CD96: variants seen among roughly 807,000 people sequenced by gnomAD.
CD96 encodes the protein CD96 molecule.
Under a neutral mutation model 71.3 loss-of-function variants are expected in CD96, and 70 were observed. The observed-to-expected ratio is 0.98, with a 90% confidence interval of 0.81 to 1.20. The LOEUF is 1.20. Among genes scored for constraint, CD96 ranks in the 50% most tolerant of loss-of-function variants. CD96 has a pLI of 0.00. For synonymous variants in CD96, 248 were observed against 233.0 expected, an observed-to-expected ratio of 1.06 and a Z score of -0.59; for missense variants, 742 against 677.5, an observed-to-expected ratio of 1.10 and a Z score of -1.06.
chr3:111,601,379 G>A (rs903386621), intron 7 of CD96, among the ~76,000 whole-genome samples: 1 of 152,106 alleles, frequency 6.6e-6, no homozygotes, highest in Admixed American at 6.5e-5. Flanking sequence ...TAAAAATAGG[G>A]ATTGTATCTT....
chr3:111,621,708 G>A (rs1559761598), intron 8 of CD96, among the ~76,000 whole-genome samples: 1 of 152,132 alleles, frequency 6.6e-6, no homozygotes, highest in South Asian at 2.1e-4. Context: ...AGACTGCCTG[G>A]GCCCTCCTCT....
intron 14 of CD96, among the ~76,000 whole-genome samples, chr3:111,665,337 ATTTTT>A (rs1039594141): frequency 2.3e-4 from 35 of 152,196 alleles, no homozygotes; most frequent in African/African-American, 8.4e-4. Flanking sequence ...AAACTACCCT[ATTTTT>A]CCAAGACTGC....
chr3:111,583,881 G>A (rs372587694), intron 4 of CD96, among the ~76,000 whole-genome samples: 36 of 152,162 alleles, frequency 2.4e-4, no homozygotes, highest in African/African-American at 8.7e-4. Flanking sequence ...GATGTGGCCT[G>A]GGGACATTTT....
At chr3:111,629,197 C>T (rs1175707183) in intron 10 of CD96, among the ~76,000 whole-genome samples, 1 of 152,118 alleles carries the variant, frequency 6.6e-6, no homozygotes, top group Non-Finnish European at 1.5e-5. Flanking sequence ...CTAAATGCCC[C>T]AATTAAAAGA....
At position 111,644,895 on chromosome 3, in the gene CD96, G is replaced by A. The variant is rs6788521; in HGVS notation, c.1478-2648G>A. On this transcript the variant is annotated intron_variant, in intron 12 of 13. Transcript: ENST00000352690. ...GGCATGGATGTGGTGAACAGAGAACGCTTCTACCCTGCTAGTGGGAATGTA... is the reference window on the plus strand; with the variant it reads ...GGCATGGATGTGGTGAACAGAGAACACTTCTACCCTGCTAGTGGGAATGTA... 4.6e-5 allele frequency among the ~76,000 whole-genome samples: 7 copies of A among 152,052 alleles called. 1 individual carries two copies. The highest frequency in any genetic ancestry group is 4.1e-4 in the South Asian group (2 of 4,830).
intron 5 of CD96, among the ~76,000 whole-genome samples, chr3:111,587,752 G>C (rs2107609456): frequency 6.6e-6 from 1 of 152,314 alleles, no homozygotes; most frequent in Admixed American, 6.5e-5. Flanking sequence ...TGACTTCTGT[G>C]CACCTACAGG....
chr3:111,597,359 C>T (rs183652396), intron 5 of CD96, among the ~76,000 whole-genome samples: 1 of 152,288 alleles, frequency 6.6e-6, no homozygotes, highest in East Asian at 1.9e-4. Flanking sequence ...TAAAACATAA[C>T]TAGCCCTGCA....
At chr3:111,605,069 GAC>G in intron 7 of CD96, among the ~76,000 whole-genome samples, 1 of 152,310 alleles carries the variant, frequency 6.6e-6, no homozygotes. Context: ...CCAGCTGTCA[GAC>G]ACACACTTAA....
In CD96 at chr3:111,585,291, G is replaced by C. The variant is rs369729143; in HGVS notation, c.752-32G>C. 4 of 1,475,346 alleles carry C rather than the reference G, an allele frequency of 2.7e-6. No individual in the cohort carries two copies. In the African/African-American group the frequency reaches 4.2e-5, roughly 15 times the overall value. The allele number at this position is 1,475,346 out of a possible 1,614,324, so 91.4% of individuals were successfully genotyped here. ...TAGTGGCCAGGTAGGATGACATTTGGTGCCACTAACTATGTTTTATTTGCC... is the reference window on the plus strand; with the variant it reads ...TAGTGGCCAGGTAGGATGACATTTGCTGCCACTAACTATGTTTTATTTGCC... On this transcript the variant is annotated intron_variant, in intron 4 of 13. Transcript: ENST00000352690.
chr3:111,595,707 TTA>T (rs951029868), intron 5 of CD96, among the ~76,000 whole-genome samples: 1 of 150,694 alleles, frequency 6.6e-6, no homozygotes, highest in African/African-American at 2.4e-5. Flanking sequence ...CACATATATA[TTA>T]TATATATACA....
chr3:111,628,343 A>G (rs1938883318), intron 10 of CD96, among the ~76,000 whole-genome samples: 1 of 152,262 alleles, frequency 6.6e-6, no homozygotes, highest in Admixed American at 6.5e-5. Flanking sequence ...AACCAATCTG[A>G]TAGAGCTGAA....
downstream of CD96, among the ~76,000 whole-genome samples, chr3:111,657,242 A>G (rs1013059222): frequency 2.0e-5 from 3 of 151,984 alleles, no homozygotes; most frequent in Non-Finnish European, 4.4e-5. Context: ...ACATGGTGAA[A>G]CCCCATCTCT....
intron 2 of CD96, among the ~76,000 whole-genome samples, chr3:111,553,338 A>G (rs1188794646): frequency 6.6e-6 from 1 of 151,786 alleles, no homozygotes; most frequent in Non-Finnish European, 1.5e-5. Context: ...ATAGTCCCAT[A>G]GTATCTCTAT....
intron 10 of CD96, among the ~76,000 whole-genome samples, chr3:111,627,004 CAT>C (rs1422539228): frequency 6.6e-6 from 1 of 152,086 alleles, no homozygotes; most frequent in African/African-American, 2.4e-5. Flanking sequence ...AGGGAGAAAA[CAT>C]GTATAAATCT....
intron 2 of CD96, among the ~76,000 whole-genome samples, chr3:111,560,507 T>C (rs1398209944): frequency 7.9e-6 from 1 of 125,866 alleles, no homozygotes; most frequent in Non-Finnish European, 1.7e-5. Flanking sequence ...GGTTGAAAAT[T>C]CTTTTCTTTA....
Position 111,570,997 on chromosome 3 carries a change from C to G in CD96, c.543+3350C>G, listed in dbSNP as rs374894553. The G allele has an allele frequency of 3.3e-5, 49 of 1,472,182 alleles. No homozygotes were observed. In the African/African-American group the frequency reaches 4.9e-4, roughly 15 times the overall value. The allele number at this position is 1,472,182 out of a possible 1,614,324, so 91.2% of individuals were successfully genotyped here. A position where few individuals can be genotyped will look rare whatever the true frequency, so the allele number is the denominator to read the frequency against. ...AGAGTGAAAAGCTGGGAGGGCATCT[C>G]CTGCTCCTCCAGCTTCTCTTTTGGG... is the stretch of plus-strand genomic sequence containing the variant. On this transcript the variant is annotated intron_variant, in intron 3 of 13. Coordinates refer to ENST00000352690, the MANE Select transcript of CD96 (RefSeq NM_005816.5).
chr3:111,636,394 T>C (rs552417308), intron 10 of CD96, among the ~76,000 whole-genome samples: 46 of 152,346 alleles, frequency 3.0e-4, no homozygotes, highest in African/African-American at 1.1e-3. Flanking sequence ...ATGAACATCA[T>C]TTATGCTAAT....
Position 111,600,852 on chromosome 3 carries a change from T to A in CD96, c.1025T>A (p.Leu342Gln), listed in dbSNP as rs1327785077. The change falls in exon 7 of 14, where the codon CTG becomes CAG. Residue 342 changes from leucine (L) to glutamine (Q), a missense_variant. Physicochemically the swap from Leu to Gln is moderately radical, Grantham distance 113. Transcript: ENST00000352690. The part of the protein sequence containing the change: ...SDNLTIWCMA[L>Q]SPVPGNKVWN... ...AACTTGACCATTTGGTGTATGGCTC[T>A]GTCTCCAGTCCCAGGAAATAAAGTG... is the stretch of plus-strand genomic sequence containing the variant. 3.7e-6 allele frequency: 6 copies of A among 1,613,284 alleles called. No homozygotes were observed. The highest frequency in any genetic ancestry group is 5.1e-6 in the Non-Finnish European group (6 of 1,179,214).
chr3:111,619,845 C>T (rs184187851), intron 8 of CD96, among the ~76,000 whole-genome samples: 53 of 152,300 alleles, frequency 3.5e-4, no homozygotes, highest in Non-Finnish European at 6.3e-4. Flanking sequence ...AAACAAAACT[C>T]CTAAGAAATA....
Sources: gnomAD v4.1 joint callset for allele counts (sites outside exome capture counted in the v4.1 genomes callset) on GRCh38, gnomAD v4.1.1 for gene constraint, MANE v1.5 for transcripts, NCBI Gene and HGNC (gene_info 2026-07-23, HGNC 2026-07-21) for gene names.